The following LUC7L2 variants were observed in gnomAD, a reference collection of about 807,000 sequenced individuals.
The protein encoded by LUC7L2 is LUC7 like 2, pre-mRNA splicing factor.
A neutral mutation model predicts 52.8 loss-of-function variants in LUC7L2; 25 were observed. That is an observed-to-expected ratio of 0.47 (90% CI 0.34 to 0.66). LUC7L2 has a LOEUF of 0.66. Among genes scored for constraint, LUC7L2 ranks in the 30% least tolerant of loss-of-function variants. The pLI is 0.01. For missense variants in LUC7L2, 328 were observed against 497.8 expected (o/e 0.66, Z 3.25); for synonymous variants, 144 against 160.9 (o/e 0.89, Z 0.80).
rs1427819110 is a variant in LUC7L2, at chr7:139,341,659, A to G, written c.-26+1142A>G. On this transcript the variant is annotated intron_variant, in intron 1 of 10. Coordinates refer to the LUC7L2 transcript ENST00000541170. ...CCCACGGAGCCCTGGTTCTGACCAA[A>G]CCAACCCAGGCCCTAGGCTCCATGC... 7 of 1,359,420 alleles carry G rather than the reference A, an allele frequency of 5.1e-6. No homozygotes were observed. In the East Asian group the frequency reaches 2.1e-4, roughly 40 times the overall value. 84.2% of individuals were successfully genotyped at this position (1,359,420 alleles called of 1,614,324 possible).
intron 1 of LUC7L2, among the ~76,000 whole-genome samples, chr7:139,349,247 CT>C (rs1799371251): frequency 6.6e-6 from 1 of 152,286 alleles, no homozygotes; most frequent in East Asian, 1.9e-4. Context: ...TTGTTTTTAT[CT>C]TTTTACTTTA....
intron 1 of LUC7L2, among the ~76,000 whole-genome samples, chr7:139,372,720 A>T (rs1384741180): frequency 2.0e-5 from 3 of 152,116 alleles, no homozygotes; most frequent in Non-Finnish European, 4.4e-5. Context: ...TGGGAGGGTC[A>T]TTTGAGGCCA....
chr7:139,358,116 T>TC (rs1799664354), upstream of LUC7L2, among the ~76,000 whole-genome samples: 1 of 152,132 alleles, frequency 6.6e-6, no homozygotes, highest in Non-Finnish European at 1.5e-5. Flanking sequence ...CAAGTGATTC[T>TC]CCTGCCTCAG....
At chr7:139,345,498 T>C in intron 1 of LUC7L2, 1 of 1,614,218 alleles carries the variant, frequency 6.2e-7, no homozygotes, top group Middle Eastern at 1.6e-4. Flanking sequence ...GCTGCTTCTC[T>C]AGGTCACCAG....
At chr7:139,385,764 A>G (rs1267824763) in intron 2 of LUC7L2, among the ~76,000 whole-genome samples, 1 of 152,212 alleles carries the variant, frequency 6.6e-6, no homozygotes, top group African/African-American at 2.4e-5. Flanking sequence ...ATTTCTTTGT[A>G]CAATGAGTCT....
intron 1 of LUC7L2, among the ~76,000 whole-genome samples, chr7:139,367,857 C>T (rs1800245697): frequency 6.6e-6 from 1 of 152,154 alleles, no homozygotes; most frequent in African/African-American, 2.4e-5. Flanking sequence ...TGCAGGATTT[C>T]ACCAACTGGT....
intron 9 of LUC7L2, among the ~76,000 whole-genome samples, chr7:139,420,542 C>CATCTACTAA (rs2116353815): frequency 6.6e-6 from 1 of 152,266 alleles, no homozygotes; most frequent in Non-Finnish European, 1.5e-5. Flanking sequence ...TGTCTTTCCC[C>CATCTACTAA]ATCTACTAAG....
chr7:139,355,109 CGTAG>C (rs1799570651), upstream of LUC7L2, among the ~76,000 whole-genome samples: 1 of 118,728 alleles, frequency 8.4e-6, no homozygotes, highest in African/African-American at 6.1e-5. Context: ...GATTCTCCTG[CGTAG>C]ATCTCCCAAA....
chr7:139,354,628 C>T (rs1482976503), intron 1 of LUC7L2, among the ~76,000 whole-genome samples: 1 of 152,166 alleles, frequency 6.6e-6, no homozygotes, highest in Non-Finnish European at 1.5e-5. Context: ...TCCCAAAGTG[C>T]TGGGATTATA....
Position 139,422,791 on chromosome 7 carries a change from T to C in LUC7L2, c.*451T>C, listed in dbSNP as rs1045703116. Reference sequence around the variant, plus strand: ...AGAGAAAGGGGGCAGGGAAGCAATATAGCTTCCATTCTAAGGCTGTATTCC... The same window carrying C: ...AGAGAAAGGGGGCAGGGAAGCAATACAGCTTCCATTCTAAGGCTGTATTCC... On this transcript the variant is annotated 3_prime_UTR_variant, in exon 10 of 10. Transcript: ENST00000354926. 2.5e-6 allele frequency: 1 copy of C among 399,764 alleles called. No individual in the cohort carries two copies. Among genetic ancestry groups the C allele is most frequent in the Non-Finnish European group, 4.4e-6 (1 of 226,586 alleles). 24.8% of individuals were successfully genotyped at this position (399,764 alleles called of 1,614,324 possible).
chr7:139,362,838 C>A (rs1799957441), intron 1 of LUC7L2, among the ~76,000 whole-genome samples: 1 of 151,756 alleles, frequency 6.6e-6, no homozygotes, highest in Non-Finnish European at 1.5e-5. Flanking sequence ...TAATTAGTTC[C>A]TTTTAAAATT....
chr7:139,419,815 A>T (rs1795804717), intron 9 of LUC7L2, among the ~76,000 whole-genome samples: 1 of 152,190 alleles, frequency 6.6e-6, no homozygotes, highest in African/African-American at 2.4e-5. Flanking sequence ...AACTATTAAA[A>T]GTTTTGCTTT....
rs1800112178 is a variant in LUC7L2, at chr7:139,365,519, G to A, written c.61+5197G>A. On this transcript the variant is annotated intron_variant, in intron 1 of 9. Transcript: ENST00000354926. ...GTGTCATGGATCAAGGTCAGGTTTAGTGAATCAGGTACTCTTCAGTAACAG... is the reference window on the plus strand; with the variant it reads ...GTGTCATGGATCAAGGTCAGGTTTAATGAATCAGGTACTCTTCAGTAACAG... Among the ~76,000 whole-genome samples, 6 of 152,116 alleles carry A rather than the reference G, an allele frequency of 3.9e-5. No individual in the cohort carries two copies. The South Asian group carries it at 1.2e-3, about 32-fold the overall frequency.
At chr7:139,366,045 C>T (rs1800137043) in intron 1 of LUC7L2, among the ~76,000 whole-genome samples, 1 of 152,206 alleles carries the variant, frequency 6.6e-6, no homozygotes, top group South Asian at 2.1e-4. Context: ...TCTGCAGCTC[C>T]ATGTTTTTGT....
chr7:139,366,943 ATGTT>A (rs1342461231), intron 1 of LUC7L2, among the ~76,000 whole-genome samples: 1 of 152,182 alleles, frequency 6.6e-6, no homozygotes, highest in African/African-American at 2.4e-5. Flanking sequence ...TGTTTCCCAA[ATGTT>A]TGTCACACTT....
intron 1 of LUC7L2, among the ~76,000 whole-genome samples, chr7:139,344,207 G>T (rs1197877414): frequency 6.6e-6 from 1 of 152,150 alleles, no homozygotes; most frequent in Non-Finnish European, 1.5e-5. Flanking sequence ...CATGAGTCCA[G>T]AGTTTTCAAG....
At position 139,422,251 on chromosome 7, in the gene LUC7L2, C is replaced by G. The variant is rs764266299; in HGVS notation, c.1090C>G (p.Arg364Gly). Residue 364 changes from arginine (R) to glycine (G), a missense_variant, in exon 10 of 10, where the codon CGG becomes GGG. Around this residue, in one of 2 missense-constraint regions of LUC7L2, gnomAD observed 195 missense variants for 223.3 expected, o/e 0.87. Coordinates refer to ENST00000354926, the MANE Select transcript of LUC7L2 (RefSeq NM_016019.5). ...SRDRSPRDRD[R>G]KDKKRSYESA... Reference sequence around the variant, plus strand: ...AGACAGATCACCTCGTGACAGAGATCGGAAAGATAAGAAGCGGTCCTATGA... The same window carrying G: ...AGACAGATCACCTCGTGACAGAGATGGGAAAGATAAGAAGCGGTCCTATGA... 2.1e-5 allele frequency: 34 copies of G among 1,614,020 alleles called. No individual in the cohort carries two copies. Among genetic ancestry groups the G allele is most frequent in the African/African-American group, 2.7e-5 (2 of 74,916 alleles).
chr7:139,342,289 A>G (rs1799021201), intron 1 of LUC7L2, among the ~76,000 whole-genome samples: 1 of 152,108 alleles, frequency 6.6e-6, no homozygotes, highest in African/African-American at 2.4e-5. Context: ...TGGGGTATAA[A>G]GAAGGGGTAG....
chr7:139,408,238 T>C (rs1795204433), intron 6 of LUC7L2, among the ~76,000 whole-genome samples: 1 of 152,158 alleles, frequency 6.6e-6, no homozygotes, highest in Admixed American at 6.6e-5. Flanking sequence ...CTCAAGTAAT[T>C]TTTTAAAAAT....
Sources: gnomAD v4.1 joint callset for allele counts (sites outside exome capture counted in the v4.1 genomes callset) on GRCh38, gnomAD v4.1.1 for gene constraint, gnomAD v4.1.1 regional missense constraint, MANE v1.5 for transcripts, NCBI Gene and HGNC (gene_info 2026-07-23, HGNC 2026-07-21) for gene names.